CDK8: variants seen among roughly 807,000 people sequenced by gnomAD.
CDK8 encodes the protein cyclin dependent kinase 8, also known as cyclin-dependent kinase 8.
In CDK8, 29 loss-of-function variants were observed where a neutral mutation model predicts 71.5. The ratio of observed to expected loss-of-function variants is 0.41; its 90% CI spans 0.30 to 0.55. The LOEUF is 0.55. CDK8 is among the 20% of genes least tolerant of loss of function. CDK8 has a pLI of 0.37. For synonymous variants in CDK8, 161 were observed against 192.1 expected, an observed-to-expected ratio of 0.84 and a Z score of 1.34; for missense variants, 288 against 572.6, an observed-to-expected ratio of 0.50 and a Z score of 5.07.
At chr13:26,340,580 C>T (rs937307417) in intron 2 of CDK8, among the ~76,000 whole-genome samples, 1 of 152,060 alleles carries the variant, frequency 6.6e-6, no homozygotes, top group Non-Finnish European at 1.5e-5. Context: ...TGTTTTCTGG[C>T]AAGTTTTTAT....
chr13:26,305,912 C>A (rs1263227187), intron 1 of CDK8, among the ~76,000 whole-genome samples: 2 of 152,002 alleles, frequency 1.3e-5, no homozygotes, highest in Non-Finnish European at 2.9e-5. Context: ...TATTTGGAGC[C>A]CTTACGAGTC....
intron 1 of CDK8, among the ~76,000 whole-genome samples, chr13:26,298,977 A>G (rs1469420177): frequency 6.6e-6 from 1 of 152,032 alleles, no homozygotes; most frequent in Non-Finnish European, 1.5e-5. Flanking sequence ...ATTTCATCCA[A>G]TATGCTTTTC....
At chr13:26,369,552 A>G (rs1288679536) in intron 4 of CDK8, among the ~76,000 whole-genome samples, 4 of 100,656 alleles carry the variant, frequency 4.0e-5, no homozygotes, top group Non-Finnish European at 5.6e-5. Flanking sequence ...TTTTTTTGAG[A>G]CAGTCTCGCT....
intron 4 of CDK8, among the ~76,000 whole-genome samples, chr13:26,380,108 C>G (rs574521231): frequency 6.6e-6 from 1 of 152,324 alleles, no homozygotes; most frequent in South Asian, 2.1e-4. Flanking sequence ...GCCTGCCAGG[C>G]GCCTTGCATC....
intron 3 of CDK8, among the ~76,000 whole-genome samples, chr13:26,351,117 CAAGT>C (rs2137994935): frequency 6.6e-6 from 1 of 152,086 alleles, no homozygotes; most frequent in South Asian, 2.1e-4. Context: ...GTTTAAGAAA[CAAGT>C]AAACTAAACA....
At chr13:26,285,705 A>C (rs1439460766) in intron 1 of CDK8, among the ~76,000 whole-genome samples, 1 of 152,204 alleles carries the variant, frequency 6.6e-6, no homozygotes, top group African/African-American at 2.4e-5. Flanking sequence ...TCAAACTGTC[A>C]CTGTTCACCA....
In CDK8 at chr13:26,319,953, A is replaced by G. The variant is rs115115379; in HGVS notation, c.129-17614A>G. Among the ~76,000 whole-genome samples, 138 of 152,296 alleles carry G rather than the reference A, an allele frequency of 9.1e-4. 2 individuals are homozygous for G. The highest frequency in any genetic ancestry group is 3.2e-3 in the African/African-American group (134 of 41,566). On this transcript the variant is annotated intron_variant, in intron 1 of 12. Coordinates refer to ENST00000381527, the MANE Select transcript of CDK8 (RefSeq NM_001260.3). ...CAAATGATTTTTTTACAAGGATGCT[A>G]AGGCCATTTAATGGGGAAAGGACAG...
chr13:26,316,604 A>C (rs534592937), intron 1 of CDK8, among the ~76,000 whole-genome samples: 2 of 152,270 alleles, frequency 1.3e-5, no homozygotes, highest in African/African-American at 4.8e-5. Context: ...GGCTCAGAAA[A>C]AACCTGAGAA....
At position 26,353,798 on chromosome 13, in the gene CDK8, G is replaced by A. The variant is rs775029551; in HGVS notation, c.374G>A (p.Arg125Gln). 2.5e-6 allele frequency: 4 copies of A among 1,612,514 alleles called. No homozygotes were observed. Among genetic ancestry groups the A allele is most frequent in the Admixed American group, 1.7e-5 (1 of 59,978 alleles). ...AACAAGAAGCCAGTTCAGTTACCTC[G>A]GGGAATGGTGAAGTCACTATTATAT... is the stretch of plus-strand genomic sequence containing the variant. ...KANKKPVQLP[R>Q]GMVKSLLYQI... The change falls in exon 4 of 13, where the codon CGG becomes CAG. Residue 125 changes from arginine (R) to glutamine (Q), a missense_variant. Transcript: ENST00000381527.
chr13:26,321,808 T>C (rs765031739), intron 1 of CDK8, among the ~76,000 whole-genome samples: 1 of 152,098 alleles, frequency 6.6e-6, no homozygotes, highest in Non-Finnish European at 1.5e-5. Flanking sequence ...TATGTAAATG[T>C]ATATATTATA....
At position 26,316,153 on chromosome 13, in the gene CDK8, G is replaced by A. The variant is rs1593258557; in HGVS notation, c.129-21414G>A. Among the ~76,000 whole-genome samples the A allele has an allele frequency of 3.3e-5, 5 of 152,208 alleles. No homozygotes were observed. In the South Asian group the frequency reaches 1.0e-3, roughly 32 times the overall value. On this transcript the variant is annotated intron_variant, in intron 1 of 12. Coordinates refer to ENST00000381527, the MANE Select transcript of CDK8 (RefSeq NM_001260.3). ...GCTAGAGAGTCAGTTGAGTCCAGGA[G>A]TTCTAGACCAGCCTGGGCAACATGG...
chr13:26,341,762 A>G (rs1873249013), intron 2 of CDK8, among the ~76,000 whole-genome samples: 1 of 152,174 alleles, frequency 6.6e-6, no homozygotes, highest in South Asian at 2.1e-4. Context: ...GTGATACTGT[A>G]TGTAACAGCT....
At chr13:26,257,747 TG>T (rs1871586518) in intron 1 of CDK8, among the ~76,000 whole-genome samples, 1 of 152,226 alleles carries the variant, frequency 6.6e-6, no homozygotes, top group Non-Finnish European at 1.5e-5. Context: ...TTGCACTGAA[TG>T]TTTGGATAAT....
chr13:26,317,346 T>G (rs774830709), intron 1 of CDK8, among the ~76,000 whole-genome samples: 1 of 152,024 alleles, frequency 6.6e-6, no homozygotes, highest in African/African-American at 2.4e-5. Flanking sequence ...TAGGGAGAGA[T>G]AGACAGTTCT....
rs1480365514 is a variant in CDK8, at chr13:26,404,914, A to G, written c.*833A>G. 9.6e-6 allele frequency: 2 copies of G among 209,156 alleles called. No individual in the cohort carries two copies. The highest frequency in any genetic ancestry group is 4.5e-5 in the African/African-American group (2 of 43,996). 13.0% of individuals were successfully genotyped at this position (209,156 alleles called of 1,614,324 possible). A position where few individuals can be genotyped will look rare whatever the true frequency, so the allele number is the denominator to read the frequency against. ...ATGCTTTAAGATGAAAAAAGCATGA[A>G]TGATAACTTCCTTAAAAAGGTGCGG... is the stretch of plus-strand genomic sequence containing the variant. On this transcript the variant is annotated 3_prime_UTR_variant, in exon 13 of 13. Transcript: ENST00000381527.
At chr13:26,259,340 C>T (rs1871668022) in intron 1 of CDK8, among the ~76,000 whole-genome samples, 1 of 152,076 alleles carries the variant, frequency 6.6e-6, no homozygotes, top group Non-Finnish European at 1.5e-5. Flanking sequence ...TGAGCATGTA[C>T]AGATTTTTTT....
chr13:26,377,524 G>T (rs373403281), intron 4 of CDK8, among the ~76,000 whole-genome samples: 1 of 152,278 alleles, frequency 6.6e-6, no homozygotes, highest in East Asian at 1.9e-4. Flanking sequence ...AATTGGTTAA[G>T]AATTCTATGC....
At chr13:26,359,232 CGG>C (rs980805442) in intron 4 of CDK8, among the ~76,000 whole-genome samples, 4 of 150,652 alleles carry the variant, frequency 2.7e-5, no homozygotes, top group Non-Finnish European at 4.4e-5. Context: ...GGAGCAGTTA[CGG>C]GACGTTACTG....
chr13:26,353,656 TC>T, intron 3 of CDK8, 83 bp from the exon 4 acceptor site: 2 of 1,133,730 alleles, frequency 1.8e-6, no homozygotes, highest in African/African-American at 1.6e-5. Flanking sequence ...CCTGAGTGTT[TC>T]TTTTTCTGTT....
Sources: allele counts gnomAD v4.1 joint callset (sites outside exome capture counted in the v4.1 genomes callset), GRCh38; gene constraint gnomAD v4.1.1; transcripts MANE v1.5; gene names NCBI Gene and HGNC (gene_info 2026-07-23, HGNC 2026-07-21).